CENPU: variants seen among roughly 807,000 people sequenced by gnomAD.
CENPU encodes the protein centromere protein U.
Under a neutral mutation model 56.7 loss-of-function variants are expected in CENPU, and 46 were observed. The ratio of observed to expected loss-of-function variants is 0.81; its 90% CI spans 0.64 to 1.04. The LOEUF is 1.04. Ranked by LOEUF, CENPU falls within the 50% of genes least tolerant of loss-of-function variation. The probability of loss-of-function intolerance (pLI) is 0.00; values close to 1 mark genes in which losing one functional copy is unlikely to be tolerated. For missense variants in CENPU, 510 were observed against 490.1 expected (o/e 1.04, Z -0.38); for synonymous variants, 166 against 163.0 (o/e 1.02, Z -0.14).
chr4:184,709,276 C>G (rs1020327506), intron 8 of CENPU, among the ~76,000 whole-genome samples: 2 of 152,084 alleles, frequency 1.3e-5, no homozygotes, highest in Non-Finnish European at 2.9e-5. Flanking sequence ...ATCACGAGAT[C>G]AGGAGATCGA....
At chr4:184,724,225 C>T (rs1476321773) in intron 4 of CENPU, among the ~76,000 whole-genome samples, 1 of 152,182 alleles carries the variant, frequency 6.6e-6, no homozygotes. Flanking sequence ...CAGATTGAGC[C>T]ACTGCACTCC....
At chr4:184,729,634 A>G (rs1761570645) in intron 2 of CENPU, among the ~76,000 whole-genome samples, 1 of 152,246 alleles carries the variant, frequency 6.6e-6, no homozygotes, top group Non-Finnish European at 1.5e-5. Context: ...GATTTGGCCC[A>G]TGGGCCAGTT....
At chr4:184,700,739 G>C (rs561103675) in intron 11 of CENPU, 81 bp downstream of exon 11, 3 of 1,202,464 alleles carry the variant, frequency 2.5e-6, no homozygotes, top group South Asian at 1.2e-5. Flanking sequence ...CATCACAGCA[G>C]CAAGTGTCAC....
chr4:184,708,738 C>A (rs928546013), intron 8 of CENPU, among the ~76,000 whole-genome samples: 1 of 152,056 alleles, frequency 6.6e-6, no homozygotes, highest in Non-Finnish European at 1.5e-5. Context: ...TCAAAATAAT[C>A]AGAAGGTTTA....
At chr4:184,703,628 G>T (rs910380555) in intron 8 of CENPU, among the ~76,000 whole-genome samples, 5 of 152,102 alleles carry the variant, frequency 3.3e-5, no homozygotes, top group African/African-American at 1.2e-4. Flanking sequence ...ATTAAACACA[G>T]AATTACCACA....
chr4:184,714,645 GA>G (rs1428588473), intron 6 of CENPU, among the ~76,000 whole-genome samples: 7 of 151,936 alleles, frequency 4.6e-5, no homozygotes, highest in Admixed American at 4.6e-4. Context: ...AGCAACCACT[GA>G]AAAAAATTTT....
At chr4:184,717,106 T>G in intron 5 of CENPU, 30 bp downstream of exon 5, 1 of 1,462,024 alleles carries the variant, frequency 6.8e-7, no homozygotes, top group Non-Finnish European at 9.5e-7. Context: ...TATTACAAAT[T>G]AAAGTAGAAG....
In CENPU at chr4:184,721,457, TAA is replaced by T. The variant is rs138476894; in HGVS notation, c.320+3498_320+3499del. 6.7e-5 allele frequency among the ~76,000 whole-genome samples: 5 copies of T among 74,570 alleles called. No homozygotes were observed. The East Asian group carries it at 2.4e-3, about 36-fold the overall frequency. The allele number at this position is 74,570 out of a possible 152,430, so 48.9% of individuals were successfully genotyped here. A position where few individuals can be genotyped will look rare whatever the true frequency, so the allele number is the denominator to read the frequency against. On this transcript the variant is annotated intron_variant, in intron 4 of 12. Transcript: ENST00000281453. ...TCAAAAGACATAGAGTGGCTGATTGTAAAAAAAAAAAAAAAAAAAAAGGACCC... is the reference window on the plus strand; with the variant it reads ...TCAAAAGACATAGAGTGGCTGATTGTAAAAAAAAAAAAAAAAAAAGGACCC...
In CENPU at chr4:184,694,696, G is replaced by A; in HGVS notation, c.*592C>T. The stretch of plus-strand genomic sequence containing the variant: ...TACTGAAGATGCTGAATTAGCTGAA[G>A]CTGCAGAGAACAGTCTTCTCAGTTA... On this transcript the variant is annotated 3_prime_UTR_variant, in exon 13 of 13. Transcript: ENST00000281453. 6.2e-7 allele frequency: 1 copy of A among 1,613,864 alleles called. No homozygotes were observed. Among genetic ancestry groups the A allele is most frequent in the Non-Finnish European group, 8.5e-7 (1 of 1,179,744 alleles).
At chr4:184,698,744 T>C (rs1334116606) in intron 11 of CENPU, among the ~76,000 whole-genome samples, 5 of 152,092 alleles carry the variant, frequency 3.3e-5, no homozygotes, top group Non-Finnish European at 7.4e-5. Flanking sequence ...CCAGGAAAAG[T>C]CTTCTTTAAC....
At chr4:184,722,406 C>T (rs555760401) in intron 4 of CENPU, among the ~76,000 whole-genome samples, 1 of 151,944 alleles carries the variant, frequency 6.6e-6, no homozygotes, top group Non-Finnish European at 1.5e-5. Flanking sequence ...TTTACCTCAA[C>T]CCAATAAAGA....
At chr4:184,732,655 C>G (rs6844929) in intron 1 of CENPU, among the ~76,000 whole-genome samples, 121,884 of 151,896 alleles carry the variant, frequency 0.8, 49,709 homozygotes, top group East Asian at 1. Context: ...CCTTGCCTTA[C>G]GCTGGAGTCA....
chr4:184,721,981 C>T (rs2150224415), intron 4 of CENPU, among the ~76,000 whole-genome samples: 1 of 152,300 alleles, frequency 6.6e-6, no homozygotes, highest in South Asian at 2.1e-4. Context: ...CTCTCAAGTA[C>T]AGACCACGTG....
intron 1 of CENPU, among the ~76,000 whole-genome samples, chr4:184,732,744 C>T (rs1761694134): frequency 6.6e-6 from 1 of 152,140 alleles, no homozygotes; most frequent in Non-Finnish European, 1.5e-5. Context: ...TGGCTCATGC[C>T]TGTAATCTCA....
intron 6 of CENPU, among the ~76,000 whole-genome samples, chr4:184,715,514 T>C (rs1761060149): frequency 6.6e-6 from 1 of 152,178 alleles, no homozygotes; most frequent in Admixed American, 6.5e-5. Context: ...GGTTTTGCCA[T>C]GTTGGCCAGG....
At chr4:184,713,833 AG>A (rs2150215529) in intron 6 of CENPU, 1 of 152,368 alleles carries the variant, frequency 6.6e-6, no homozygotes, top group African/African-American at 2.4e-5. Context: ...CTGAAGTCTA[AG>A]CAGGGCATGA....
chr4:184,719,072 A>G (rs940903554), intron 4 of CENPU, among the ~76,000 whole-genome samples: 3 of 152,138 alleles, frequency 2.0e-5, no homozygotes, highest in African/African-American at 7.2e-5. Context: ...TAAAGAAAAA[A>G]ACAGGAGAGG....
intron 8 of CENPU, among the ~76,000 whole-genome samples, chr4:184,709,441 C>G (rs1227814952): frequency 6.6e-6 from 1 of 150,506 alleles, no homozygotes; most frequent in Non-Finnish European, 1.5e-5. Context: ...GAGCCGAGAT[C>G]TCTCCACTCT....
In CENPU at chr4:184,700,851, G is replaced by T; in HGVS notation, c.955C>A (p.Arg319Ser). The T allele has an allele frequency of 6.2e-7, 1 of 1,613,486 alleles. No individual in the cohort carries two copies. The highest frequency in any genetic ancestry group is 8.5e-7 in the Non-Finnish European group (1 of 1,179,456). Residue 319 changes from arginine to serine, a missense_variant, in exon 11 of 13, where the codon CGT (arginine) becomes AGT (serine). Physicochemically the swap from Arg to Ser is moderately radical, Grantham distance 110. Coordinates refer to ENST00000281453, the MANE Select transcript of CENPU (RefSeq NM_024629.4). The part of the protein sequence containing the change: ...MISDIEKKRQ[R>S]MIEVQDELLR... ...AGTTCATCCTGGACTTCAATCATAC[G>T]CTGCCTTTTCTTTTCGATATCTGAA...
Sources: allele counts gnomAD v4.1 joint callset (sites outside exome capture counted in the v4.1 genomes callset), GRCh38; gene constraint gnomAD v4.1.1; transcripts MANE v1.5; gene names NCBI Gene and HGNC (gene_info 2026-07-23, HGNC 2026-07-21).